NAALADL2: variants seen among roughly 807,000 people sequenced by gnomAD.
NAALADL2 encodes N-acetylated alpha-linked acidic dipeptidase like 2.
Under a neutral mutation model 87.2 loss-of-function variants are expected in NAALADL2, and 76 were observed. The observed-to-expected ratio is 0.87, with a 90% CI of 0.72 to 1.05. The LOEUF (loss-of-function observed/expected upper bound fraction) is 1.05. NAALADL2 is among the 50% of genes least tolerant of loss of function. NAALADL2 has a pLI of 0.00. For missense variants in NAALADL2, 1,089 were observed against 945.8 expected, an observed-to-expected ratio of 1.15 and a Z score of -1.99; for synonymous variants, 354 against 331.0, an observed-to-expected ratio of 1.07 and a Z score of -0.75.
At chr3:175,184,939 T>G (rs1737109442) in intron 2 of NAALADL2, among the ~76,000 whole-genome samples, 1 of 152,132 alleles carries the variant, frequency 6.6e-6, no homozygotes, top group African/African-American at 2.4e-5. Context: ...TTTATTGTCA[T>G]TTAAATTACT....
At chr3:174,974,446 T>C (rs1198192885) in intron 1 of NAALADL2, among the ~76,000 whole-genome samples, 1 of 152,224 alleles carries the variant, frequency 6.6e-6, no homozygotes, top group African/African-American at 2.4e-5. Context: ...TCACCGAACA[T>C]TTAATGGGCC....
intron 1 of NAALADL2, among the ~76,000 whole-genome samples, chr3:175,004,648 C>T (rs1162278996): frequency 6.6e-6 from 1 of 151,930 alleles, no homozygotes; most frequent in Non-Finnish European, 1.5e-5. Flanking sequence ...ATGGTAATGC[C>T]AAACAACCAC....
intron 2 of NAALADL2, among the ~76,000 whole-genome samples, chr3:175,180,887 A>G (rs1046015953): frequency 2.6e-5 from 4 of 152,026 alleles, no homozygotes; most frequent in Non-Finnish European, 4.4e-5. Context: ...CTGAATTGTA[A>G]TGAGGTTAAA....
chr3:175,693,690 G>T (rs1482662285), intron 11 of NAALADL2, among the ~76,000 whole-genome samples: 4 of 152,030 alleles, frequency 2.6e-5, no homozygotes, highest in Non-Finnish European at 5.9e-5. Flanking sequence ...ATTTAGTTTT[G>T]TTTGTTGGGT....
intron 11 of NAALADL2, among the ~76,000 whole-genome samples, chr3:175,684,546 G>A (rs1736011419): frequency 6.6e-6 from 1 of 152,120 alleles, no homozygotes; most frequent in Non-Finnish European, 1.5e-5. Context: ...TGTAATTCCA[G>A]CATTTTGGGA....
At chr3:175,398,697 A>G (rs1330958822) in intron 5 of NAALADL2, among the ~76,000 whole-genome samples, 2 of 152,038 alleles carry the variant, frequency 1.3e-5, no homozygotes, top group Non-Finnish European at 2.9e-5. Flanking sequence ...GTTTCCTGGA[A>G]TTACATCGTT....
chr3:175,138,887 A>AATATATATATATATAT lies in NAALADL2; in HGVS notation c.545+41619_545+41634dup, dbSNP rs58824117. On this transcript the variant is annotated intron_variant, in intron 2 of 13. Transcript: ENST00000454872. Reference sequence around the variant, plus strand: ...CAGAAAAAAAATTTCAGCCTTTTAAAATATATATATATATATATATATATA... The same window carrying AATATATATATATATAT: ...CAGAAAAAAAATTTCAGCCTTTTAAAATATATATATATATATATATATATATATATATATATATATA... 7.3e-4 allele frequency among the ~76,000 whole-genome samples: 70 copies of AATATATATATATATAT among 95,406 alleles called. 2 individuals are homozygous for AATATATATATATATAT. The highest frequency in any genetic ancestry group is 1.4e-3 in the South Asian group (4 of 2,782). The allele number at this position is 95,406 out of a possible 152,430, so 62.6% of individuals were successfully genotyped here.
chr3:174,881,070 C>T (rs1049005009), intron 1 of NAALADL2, among the ~76,000 whole-genome samples: 1 of 152,126 alleles, frequency 6.6e-6, no homozygotes, highest in African/African-American at 2.4e-5. Flanking sequence ...AGAACCCACA[C>T]TAAATCCAAG....
intron 2 of NAALADL2, among the ~76,000 whole-genome samples, chr3:174,659,587 C>T (rs1255080378): frequency 6.6e-6 from 1 of 152,156 alleles, no homozygotes; most frequent in Non-Finnish European, 1.5e-5. Context: ...GCTGTAATCC[C>T]TGTAAGGTCA....
intron 9 of NAALADL2, among the ~76,000 whole-genome samples, chr3:175,572,052 G>C (rs1364560280): frequency 6.6e-6 from 1 of 152,044 alleles, no homozygotes; most frequent in Non-Finnish European, 1.5e-5. Context: ...ATGGGGTGGG[G>C]GAATGGTGAG....
At chr3:175,676,673 A>G (rs1734833538) in intron 11 of NAALADL2, 2 of 152,086 alleles carry the variant, frequency 1.3e-5, no homozygotes, top group African/African-American at 2.4e-5. Flanking sequence ...TTGATATTTC[A>G]TCAAGATTCC....
intron 2 of NAALADL2, among the ~76,000 whole-genome samples, chr3:175,180,274 TCTTAA>T (rs1231313710): frequency 6.6e-6 from 1 of 152,014 alleles, no homozygotes; most frequent in Non-Finnish European, 1.5e-5. Context: ...TTGTCCTTTC[TCTTAA>T]CATATAAAAA....
At chr3:175,261,311 G>T (rs1317752939) in intron 4 of NAALADL2, among the ~76,000 whole-genome samples, 1 of 151,758 alleles carries the variant, frequency 6.6e-6, no homozygotes, top group East Asian at 1.9e-4. Context: ...TTCAATGAAA[G>T]CATTTGACTT....
intron 1 of NAALADL2, among the ~76,000 whole-genome samples, chr3:175,029,741 C>T (rs1474548624): frequency 6.6e-6 from 1 of 151,938 alleles, no homozygotes; most frequent in East Asian, 1.9e-4. Context: ...ACACACTAAA[C>T]CCCTCTGAGG....
upstream of NAALADL2, among the ~76,000 whole-genome samples, chr3:174,855,543 A>C (rs957288564): frequency 1.3e-5 from 2 of 151,964 alleles, no homozygotes; most frequent in African/African-American, 4.8e-5. Context: ...TTTCGCTTTT[A>C]AGCTTTAATT....
At chr3:175,607,477 A>G (rs981130200) in intron 10 of NAALADL2, among the ~76,000 whole-genome samples, 3 of 152,292 alleles carry the variant, frequency 2.0e-5, no homozygotes, top group Non-Finnish European at 2.9e-5. Flanking sequence ...ATAGATTTAC[A>G]TATACACCAT....
intron 6 of NAALADL2, among the ~76,000 whole-genome samples, chr3:175,460,624 G>A (rs1722970761): frequency 1.3e-5 from 2 of 152,122 alleles, no homozygotes; most frequent in South Asian, 4.1e-4. Flanking sequence ...AAATTTAAAA[G>A]CAGCTCTCAA....
intron 9 of NAALADL2, among the ~76,000 whole-genome samples, chr3:175,476,477 C>T (rs1033001779): frequency 6.6e-6 from 1 of 152,106 alleles, no homozygotes; most frequent in African/African-American, 2.4e-5. Flanking sequence ...TGGAAACATG[C>T]ATTATATGAC....
chr3:174,803,014 G>A (rs572240474), intron 3 of NAALADL2, among the ~76,000 whole-genome samples: 5 of 152,196 alleles, frequency 3.3e-5, no homozygotes, highest in Admixed American at 6.5e-5. Context: ...GGATTGCTGG[G>A]TCAAATGATA....
Sources: allele counts gnomAD v4.1 joint callset (sites outside exome capture counted in the v4.1 genomes callset), GRCh38; gene constraint gnomAD v4.1.1; transcripts MANE v1.5; gene names NCBI Gene and HGNC (gene_info 2026-07-23, HGNC 2026-07-21).